The following ZCCHC24 variants were observed in gnomAD, a reference collection of about 807,000 sequenced individuals.
ZCCHC24 encodes zinc finger CCHC-type containing 24, also known as zinc finger CCHC domain-containing protein 24.
A neutral mutation model predicts 26.2 loss-of-function variants in ZCCHC24; 10 were observed. That is an observed-to-expected ratio of 0.38 (90% CI 0.24 to 0.65). The LOEUF (loss-of-function observed/expected upper bound fraction) is 0.65, where lower values mean the gene tolerates loss of function less well. Among genes scored for constraint, ZCCHC24 ranks in the 30% least tolerant of loss-of-function variants. The probability of loss-of-function intolerance (pLI) is 0.54; values close to 1 mark genes in which losing one functional copy is unlikely to be tolerated. For missense variants in ZCCHC24, 243 were observed against 329.1 expected, an observed-to-expected ratio of 0.74 and a Z score of 2.03; for synonymous variants, 144 against 147.1, an observed-to-expected ratio of 0.98 and a Z score of 0.15.
At position 79,393,790 on chromosome 10, in the gene ZCCHC24, C is replaced by T. The variant is rs375165478; in HGVS notation, c.612+486G>A. On this transcript the variant is annotated intron_variant, in intron 3 of 3. Coordinates refer to ENST00000372336, the MANE Select transcript of ZCCHC24 (RefSeq NM_153367.4). ...GTGCCCCCTTCCTAGGATGGCCAGC[C>T]CCCCACTTGTGATAGGCCTAGCTTC... Among the ~76,000 whole-genome samples, 14 of 152,130 alleles carry T rather than the reference C, an allele frequency of 9.2e-5. No homozygotes were observed. The East Asian group carries it at 2.5e-3, about 27-fold the overall frequency.
chr10:79,428,492 A>C (rs1365483785), intron 2 of ZCCHC24, among the ~76,000 whole-genome samples: 1 of 133,950 alleles, frequency 7.5e-6, no homozygotes, highest in Non-Finnish European at 1.6e-5. Flanking sequence ...TGCAAGATAA[A>C]AAGAGCTCTG....
chr10:79,427,454 C>T (rs1335428756), intron 2 of ZCCHC24, among the ~76,000 whole-genome samples: 1 of 152,046 alleles, frequency 6.6e-6, no homozygotes, highest in African/African-American at 2.4e-5. Context: ...AAACAAACCA[C>T]AATAAATTTA....
chr10:79,386,524 G>C lies in ZCCHC24; in HGVS notation c.613-66C>G. The C allele has an allele frequency of 2.4e-6, 3 of 1,269,154 alleles. No individual in the cohort carries two copies. The South Asian group carries it at 4.2e-5, about 18-fold the overall frequency. 78.6% of individuals were successfully genotyped at this position (1,269,154 alleles called of 1,614,324 possible). On this transcript the variant is annotated intron_variant, in intron 3 of 3. Transcript: ENST00000372336. ...AGAGAAAGACAGAAACACAGAGACA[G>C]ACAGGGAGAGACACACAGAGACAGA...
At chr10:79,404,530 G>A (rs1236802524) in intron 2 of ZCCHC24, among the ~76,000 whole-genome samples, 24 of 152,202 alleles carry the variant, frequency 1.6e-4, no homozygotes. Context: ...GCCTTAGTGG[G>A]TGGATGGAAG....
At chr10:79,438,244 C>T (rs747353823) in intron 1 of ZCCHC24, among the ~76,000 whole-genome samples, 1 of 152,134 alleles carries the variant, frequency 6.6e-6, no homozygotes, top group African/African-American at 2.4e-5. Flanking sequence ...ACACACGCAC[C>T]CACACTCCTC....
chr10:79,386,614 TGACA>T (rs1666088094), intron 3 of ZCCHC24, among the ~76,000 whole-genome samples, 156 bp from the exon 4 acceptor site: 1 of 151,848 alleles, frequency 6.6e-6, no homozygotes. Flanking sequence ...AGACAGAGAC[TGACA>T]GACACAGTGA....
intron 1 of ZCCHC24, among the ~76,000 whole-genome samples, chr10:79,435,590 G>A (rs1368784071): frequency 6.6e-6 from 1 of 152,174 alleles, no homozygotes; most frequent in African/African-American, 2.4e-5. Flanking sequence ...GGGAATTAGG[G>A]CCCATCCCCC....
At chr10:79,434,355 C>A (rs923887982) in intron 1 of ZCCHC24, among the ~76,000 whole-genome samples, 7 of 152,210 alleles carry the variant, frequency 4.6e-5, no homozygotes, top group Non-Finnish European at 1.0e-4. Context: ...CTCCAGCTCT[C>A]AGATGAATCC....
At chr10:79,422,593 T>C (rs1310632144) in intron 2 of ZCCHC24, among the ~76,000 whole-genome samples, 1 of 152,218 alleles carries the variant, frequency 6.6e-6, no homozygotes, top group African/African-American at 2.4e-5. Flanking sequence ...TTCCATTCTC[T>C]CTCGGCTCTA....
intron 2 of ZCCHC24, among the ~76,000 whole-genome samples, chr10:79,423,587 A>ATATATTTTATATATATATATATATATTT (rs749128110): frequency 7.1e-5 from 8 of 112,786 alleles, no homozygotes; most frequent in South Asian, 2.9e-4. Flanking sequence ...TATACTATAT[A>ATATATTTTATATATATATATATATATTT]TATATATATA....
chr10:79,411,507 G>A (rs557261724), intron 2 of ZCCHC24, among the ~76,000 whole-genome samples: 14 of 152,336 alleles, frequency 9.2e-5, no homozygotes, highest in Admixed American at 4.6e-4. Context: ...TGCAGCGGAA[G>A]AAAACCCAGG....
At position 79,437,728 on chromosome 10, in the gene ZCCHC24, G is replaced by A. The variant is rs549338258; in HGVS notation, c.247-4970C>T. Among the ~76,000 whole-genome samples, 4 of 152,358 alleles carry A rather than the reference G, an allele frequency of 2.6e-5. No homozygotes were observed. In the South Asian group the frequency reaches 8.3e-4, roughly 32 times the overall value. ...GCGCTGCATGAGGGGTGCAGGCCCT[G>A]GGCATGGTGGTTCTGCTGCAGAATA... On this transcript the variant is annotated intron_variant, in intron 1 of 3. Transcript: ENST00000372336.
intron 2 of ZCCHC24, among the ~76,000 whole-genome samples, chr10:79,404,223 C>A (rs568293861): frequency 6.6e-6 from 1 of 152,372 alleles, no homozygotes; most frequent in East Asian, 1.9e-4. Flanking sequence ...CCCTGAGGCG[C>A]TGCTGCCCAG....
chr10:79,421,252 T>C (rs1856930261), intron 2 of ZCCHC24, among the ~76,000 whole-genome samples: 2 of 152,242 alleles, frequency 1.3e-5, no homozygotes, highest in East Asian at 3.8e-4. Context: ...TTCCAGGTTC[T>C]GTGCCAAGTG....
intron 2 of ZCCHC24, among the ~76,000 whole-genome samples, chr10:79,417,332 A>C (rs1856878058): frequency 1.3e-5 from 1 of 79,402 alleles, no homozygotes; most frequent in South Asian, 5.9e-4. Flanking sequence ...CCTCACCATC[A>C]CCCCAACCTG....
At chr10:79,399,783 C>T (rs910270240) in intron 2 of ZCCHC24, among the ~76,000 whole-genome samples, 1 of 152,236 alleles carries the variant, frequency 6.6e-6, no homozygotes, top group Non-Finnish European at 1.5e-5. Flanking sequence ...GCCCCCCGGG[C>T]AAGCCAGCGG....
chr10:79,410,910 C>T (rs1856781870), intron 2 of ZCCHC24, among the ~76,000 whole-genome samples: 1 of 152,088 alleles, frequency 6.6e-6, no homozygotes, highest in African/African-American at 2.4e-5. Flanking sequence ...GACTCAAGAG[C>T]AACTCCCAGG....
At chr10:79,401,180 G>A in intron 2 of ZCCHC24, among the ~76,000 whole-genome samples, 1 of 152,208 alleles carries the variant, frequency 6.6e-6, no homozygotes, top group African/African-American at 2.4e-5. Context: ...CTCTGGATAT[G>A]GGTTCCAGCT....
chr10:79,403,932 G>A (rs949582789), intron 2 of ZCCHC24, among the ~76,000 whole-genome samples: 5 of 151,966 alleles, frequency 3.3e-5, no homozygotes, highest in Admixed American at 2.6e-4. Context: ...GAAAACAAGC[G>A]GGGGACAGAG....
Sources: allele counts gnomAD v4.1 joint callset (sites outside exome capture counted in the v4.1 genomes callset), GRCh38; gene constraint gnomAD v4.1.1; transcripts MANE v1.5; gene names NCBI Gene and HGNC (gene_info 2026-07-23, HGNC 2026-07-21).